The following OXR1 variants were observed in gnomAD, a reference collection of about 807,000 sequenced individuals.
OXR1 encodes oxidation resistance 1.
In OXR1, 41 loss-of-function variants were observed where a neutral mutation model predicts 104.6. The ratio of observed to expected loss-of-function variants is 0.39; its 90% CI spans 0.31 to 0.51. The LOEUF is 0.51. Ranked by LOEUF, OXR1 falls within the 20% of genes least tolerant of loss-of-function variation. The pLI is 0.77. For synonymous variants in OXR1, 348 were observed against 348.4 expected (o/e 1.00, Z 0.01); for missense variants, 955 against 1,031.9 (o/e 0.93, Z 1.02).
intron 3 of OXR1, among the ~76,000 whole-genome samples, chr8:106,602,140 C>G (rs1336939877): frequency 6.6e-6 from 1 of 152,162 alleles, no homozygotes; most frequent in African/African-American, 2.4e-5. Flanking sequence ...AGAGAGAACC[C>G]AGGAAAGCCA....
chr8:106,414,554 A>C (rs1054279859), intron 2 of OXR1, among the ~76,000 whole-genome samples: 1 of 152,144 alleles, frequency 6.6e-6, no homozygotes. Flanking sequence ...ATACTACTTA[A>C]ATTATTTAAT....
At chr8:106,392,533 A>T (rs1423006082) in intron 2 of OXR1, among the ~76,000 whole-genome samples, 1 of 152,184 alleles carries the variant, frequency 6.6e-6, no homozygotes, top group Non-Finnish European at 1.5e-5. Flanking sequence ...AAATATAGTA[A>T]GGTAGTGCCA....
At chr8:106,620,541 G>C (rs1159890716) in intron 3 of OXR1, among the ~76,000 whole-genome samples, 1 of 152,110 alleles carries the variant, frequency 6.6e-6, no homozygotes, top group South Asian at 2.1e-4. Flanking sequence ...TCCTGGCACT[G>C]TGGTTCTAAC....
At chr8:106,406,938 G>T (rs1331092666) in intron 2 of OXR1, among the ~76,000 whole-genome samples, 4 of 93,940 alleles carry the variant, frequency 4.3e-5, no homozygotes, top group African/African-American at 3.0e-4. Context: ...GCTGTTAAAA[G>T]TAATAGCAAA....
rs1831621359 is a variant in OXR1 at position 106,710,916 on chromosome 8, CT to C, written c.1793+127del. The C allele has an allele frequency of 4.5e-5, 26 of 573,000 alleles. No homozygotes were observed. The East Asian group carries it at 8.6e-4, about 19-fold the overall frequency. 35.5% of individuals were successfully genotyped at this position (573,000 alleles called of 1,614,324 possible). On this transcript the variant is annotated intron_variant, in intron 10 of 16. Coordinates refer to ENST00000517566, the MANE Select transcript of OXR1 (RefSeq NM_001198533.2). ...TTATGATTAAAAGCAGACAATAAGT[CT>C]ATTTGAAACCATTTTGCCCCTACTT...
intron 3 of OXR1, among the ~76,000 whole-genome samples, chr8:106,667,830 T>C (rs576650476): frequency 1.2e-4 from 18 of 152,120 alleles, no homozygotes; most frequent in Non-Finnish European, 1.5e-4. Flanking sequence ...CCAAGTAATG[T>C]ACATCACTTC....
chr8:106,507,346 G>A (rs943208992), intron 2 of OXR1, among the ~76,000 whole-genome samples: 7 of 151,598 alleles, frequency 4.6e-5, no homozygotes, highest in South Asian at 2.1e-4. Flanking sequence ...GAGAGATTAA[G>A]TAATTTGCCC....
At chr8:106,704,902 A>G (rs1176457846) in intron 8 of OXR1, among the ~76,000 whole-genome samples, 1 of 152,166 alleles carries the variant, frequency 6.6e-6, no homozygotes, top group African/African-American at 2.4e-5. Flanking sequence ...TTATGGATTG[A>G]TTAAAAACAA....
intron 15 of OXR1, 25 bp downstream of exon 15, chr8:106,742,342 T>G (rs760621080): frequency 7.0e-7 from 1 of 1,432,760 alleles, no homozygotes; most frequent in Non-Finnish European, 9.8e-7. Flanking sequence ...TTCAATATTT[T>G]ATTTATAAAG....
chr8:106,522,307 G>A (rs993005536), intron 3 of OXR1, among the ~76,000 whole-genome samples: 1 of 152,102 alleles, frequency 6.6e-6, no homozygotes, highest in Non-Finnish European at 1.5e-5. Context: ...TATAACCTAT[G>A]CACATGCTCC....
chr8:106,288,883 G>A (rs140635532), intron 1 of OXR1, among the ~76,000 whole-genome samples: 72 of 151,730 alleles, frequency 4.7e-4, no homozygotes, highest in African/African-American at 1.7e-3. Context: ...TCATTCATTC[G>A]TTCTTTCATT....
rs1832813782 is a variant in OXR1, at chr8:106,721,448, A to G, written c.1956+7463A>G. ...AAATTTTAAGAACGAATTTACTAAG[A>G]TTATGTGTTGATAGGGTGTGTAACA... On this transcript the variant is annotated intron_variant, in intron 11 of 16. Transcript: ENST00000517566. Among the ~76,000 whole-genome samples the G allele has an allele frequency of 2.0e-5, 3 of 152,266 alleles. No homozygotes were observed. The South Asian group carries it at 6.2e-4, about 32-fold the overall frequency.
intron 6 of OXR1, among the ~76,000 whole-genome samples, 158 bp from the exon 7 acceptor site, chr8:106,692,570 A>G (rs570214908): frequency 6.6e-6 from 1 of 152,248 alleles, no homozygotes; most frequent in Non-Finnish European, 1.5e-5. Context: ...CTTTTGTCCT[A>G]TAATTTGTAC....
intron 7 of OXR1, chr8:106,698,050 C>T (rs1587139043): frequency 1.4e-5 from 21 of 1,476,038 alleles, no homozygotes; most frequent in Middle Eastern, 1.7e-4. Flanking sequence ...AGCGTTCAAA[C>T]GGGCTGGAGA....
chr8:106,519,248 T>C (rs773687491), intron 3 of OXR1, 109 bp downstream of exon 3: 7 of 676,930 alleles, frequency 1.0e-5, no homozygotes, highest in South Asian at 4.3e-5. Context: ...AACATGTAAA[T>C]CTTTCTGATG....
At chr8:106,581,075 C>T (rs1818187123) in intron 3 of OXR1, 2 of 1,198,082 alleles carry the variant, frequency 1.7e-6, no homozygotes, top group South Asian at 3.2e-5. Flanking sequence ...CAATAGTCTG[C>T]TAAAGATGGA....
intron 2 of OXR1, among the ~76,000 whole-genome samples, chr8:106,462,009 G>A (rs7838147): frequency 0.12 from 18,564 of 152,072 alleles, 3,825 homozygotes; most frequent in African/African-American, 0.42. Context: ...TCCATTTTGT[G>A]TTTAATTTTA....
intron 2 of OXR1, among the ~76,000 whole-genome samples, chr8:106,371,695 C>T (rs1816714591): frequency 2.0e-5 from 3 of 152,148 alleles, no homozygotes; most frequent in African/African-American, 7.2e-5. Context: ...TCCATGAAAT[C>T]GTGTGGTTTT....
At chr8:106,717,311 T>C (rs1044969326) in intron 11 of OXR1, among the ~76,000 whole-genome samples, 3 of 152,242 alleles carry the variant, frequency 2.0e-5, no homozygotes, top group Admixed American at 2.0e-4. Context: ...AAAGCCCTTA[T>C]ATAAAACAGT....
Sources: allele counts gnomAD v4.1 joint callset (sites outside exome capture counted in the v4.1 genomes callset), GRCh38; gene constraint gnomAD v4.1.1; transcripts MANE v1.5; gene names NCBI Gene and HGNC (gene_info 2026-07-23, HGNC 2026-07-21).